The following SULF1 variants were observed in gnomAD, a reference collection of about 807,000 sequenced individuals.
SULF1 encodes sulfatase 1.
Under a neutral mutation model 110.5 loss-of-function variants are expected in SULF1, and 46 were observed. That is an observed-to-expected ratio of 0.42 (90% CI 0.33 to 0.53). SULF1 has a LOEUF of 0.53. SULF1 is among the 20% of genes least tolerant of loss of function. The pLI is 0.12. For missense variants in SULF1, 941 were observed against 1,094.2 expected, an observed-to-expected ratio of 0.86 and a Z score of 1.98; for synonymous variants, 371 against 387.1, an observed-to-expected ratio of 0.96 and a Z score of 0.49.
At chr8:69,601,005 G>T (rs1164361647) in intron 9 of SULF1, among the ~76,000 whole-genome samples, 1 of 146,096 alleles carries the variant, frequency 6.8e-6, no homozygotes, top group Non-Finnish European at 1.5e-5. Flanking sequence ...AATCAGCGTA[G>T]ATCAGGGGCC....
intron 5 of SULF1, among the ~76,000 whole-genome samples, chr8:69,573,960 C>T (rs573430005): frequency 2.6e-5 from 4 of 152,154 alleles, no homozygotes; most frequent in African/African-American, 4.8e-5. Context: ...TTCTTAGGGT[C>T]GCTCTGTGTC....
intron 11 of SULF1, 131 bp downstream of exon 11, chr8:69,603,451 T>C (rs1807990832): frequency 4.1e-6 from 6 of 1,454,164 alleles, no homozygotes; most frequent in South Asian, 3.5e-5. Context: ...AAGCTGAGCA[T>C]TTCTCAGCTG....
rs116068548 is a variant in SULF1, at chr8:69,630,413, C to T, written c.2284+734C>T. Among the ~76,000 whole-genome samples the T allele has an allele frequency of 3.3e-3, 503 of 152,220 alleles. 6 individuals are homozygous for T. The highest frequency in any genetic ancestry group is 0.012 in the African/African-American group (488 of 41,556). ...ACTGAGAAGCTCACTGGAGACCACC[C>T]GGGCTACTGTTTCTCAAACTGGGAT... On this transcript the variant is annotated intron_variant, in intron 19 of 22. Transcript: ENST00000402687.
intron 2 of SULF1, among the ~76,000 whole-genome samples, 159 bp from the exon 3 acceptor site, chr8:69,501,713 ACT>A (rs1467231560): frequency 1.3e-5 from 2 of 152,132 alleles, no homozygotes. Context: ...TGCTTCAAAG[ACT>A]CTTGCGAGTG....
intron 3 of SULF1, among the ~76,000 whole-genome samples, chr8:69,522,029 G>GGA (rs1366791473): frequency 6.6e-6 from 1 of 150,908 alleles, no homozygotes; most frequent in African/African-American, 2.4e-5. Flanking sequence ...AGAGAGACAG[G>GGA]GAGAGAGAGA....
At chr8:69,597,501 C>A (rs115138209) in intron 8 of SULF1, 1 of 152,192 alleles carries the variant, frequency 6.6e-6, no homozygotes, top group Admixed American at 6.5e-5. Context: ...GCTTTGACAA[C>A]AGTCCCTGAA....
chr8:69,646,825 G>C (rs1330173358), intron 22 of SULF1, among the ~76,000 whole-genome samples: 1 of 151,484 alleles, frequency 6.6e-6, no homozygotes, highest in East Asian at 1.9e-4. Context: ...TAATACACAA[G>C]GATTTCATGA....
intron 3 of SULF1, among the ~76,000 whole-genome samples, chr8:69,513,881 G>A (rs1811741788): frequency 6.6e-6 from 1 of 152,200 alleles, no homozygotes; most frequent in African/African-American, 2.4e-5. Context: ...CTCTTAATAA[G>A]TTTTCTGTGA....
At chr8:69,625,755 G>A (rs1056187544) in intron 15 of SULF1, among the ~76,000 whole-genome samples, 17 of 152,200 alleles carry the variant, frequency 1.1e-4, no homozygotes, top group South Asian at 2.1e-4. Context: ...TGCAAAGAGC[G>A]AAAGAACGGA....
At chr8:69,519,792 C>G (rs181182261) in intron 3 of SULF1, among the ~76,000 whole-genome samples, 2 of 152,080 alleles carry the variant, frequency 1.3e-5, no homozygotes, top group South Asian at 2.1e-4. Context: ...ATTTAAATAG[C>G]AAGATGCATT....
intron 3 of SULF1, among the ~76,000 whole-genome samples, chr8:69,514,573 A>G (rs779402164): frequency 2.6e-5 from 4 of 152,228 alleles, no homozygotes; most frequent in South Asian, 2.1e-4. Flanking sequence ...ATTTCAAAAT[A>G]TAATCATTCC....
chr8:69,592,878 C>G (rs1807014040), intron 8 of SULF1: 2 of 979,252 alleles, frequency 2.0e-6, no homozygotes, highest in Non-Finnish European at 2.4e-6. Context: ...CAAGCTAAGA[C>G]TCCCATTGTG....
intron 3 of SULF1, among the ~76,000 whole-genome samples, chr8:69,540,411 A>G (rs1333847871): frequency 6.6e-6 from 1 of 152,270 alleles, no homozygotes; most frequent in African/African-American, 2.4e-5. Context: ...ATGCTGAAAG[A>G]CAGGCAGGGC....
chr8:69,524,536 G>GC (rs1432453837), intron 3 of SULF1, among the ~76,000 whole-genome samples: 2 of 152,020 alleles, frequency 1.3e-5, no homozygotes, highest in East Asian at 3.9e-4. Context: ...TGAGGGATCT[G>GC]CCCCCATGAT....
rs1290631465 is a variant in SULF1 at position 69,659,299 on chromosome 8, T to A, written c.*764T>A. On this transcript the variant is annotated 3_prime_UTR_variant, in exon 23 of 23. Coordinates refer to ENST00000402687, the MANE Select transcript of SULF1 (RefSeq NM_001128205.2). ...GTCACAGCACCTAGAAGGCAGCGCCTCCTCTTCACTCTCCTCTGATTAGAT... is the reference window on the plus strand; with the variant it reads ...GTCACAGCACCTAGAAGGCAGCGCCACCTCTTCACTCTCCTCTGATTAGAT... The A allele has an allele frequency of 2.4e-6, 1 of 419,086 alleles. No individual in the cohort carries two copies. The highest frequency in any genetic ancestry group is 2.8e-5 in the Admixed American group (1 of 35,564). The allele number at this position is 419,086 out of a possible 1,614,324, so 26.0% of individuals were successfully genotyped here. A position where few individuals can be genotyped will look rare whatever the true frequency, so the allele number is the denominator to read the frequency against.
chr8:69,642,139 C>A lies in SULF1; in HGVS notation c.2585+1298C>A, dbSNP rs1057076560. 3.3e-5 allele frequency: 24 copies of A among 734,060 alleles called. No homozygotes were observed. In the African/African-American group the frequency reaches 4.4e-4, roughly 13 times the overall value. 45.5% of individuals were successfully genotyped at this position (734,060 alleles called of 1,614,324 possible). On this transcript the variant is annotated intron_variant, in intron 22 of 22. Transcript: ENST00000402687. ...TAATTGGTGCCATCTATATTAATAT[C>A]TTCTTTATCTATATTAATATCTTCT...
At chr8:69,505,892 G>C (rs1439240595) in intron 3 of SULF1, among the ~76,000 whole-genome samples, 1 of 151,650 alleles carries the variant, frequency 6.6e-6, no homozygotes, top group Non-Finnish European at 1.5e-5. Context: ...AGTCGCTTAA[G>C]AGTTTTTTTT....
chr8:69,600,902 C>T, intron 9 of SULF1, 149 bp downstream of exon 9: 1 of 880,616 alleles, frequency 1.1e-6, no homozygotes, highest in Non-Finnish European at 1.7e-6. Context: ...TGTTTAGTGG[C>T]TTAATCATCC....
At chr8:69,627,634 C>T (rs1810198262) in intron 16 of SULF1, 138 bp from the exon 17 acceptor site, 1 of 685,646 alleles carries the variant, frequency 1.5e-6, no homozygotes, top group Non-Finnish European at 2.6e-6. Flanking sequence ...TATTCTATGC[C>T]CAGTTTGTTT....
Sources: gnomAD v4.1 joint callset for allele counts (sites outside exome capture counted in the v4.1 genomes callset) on GRCh38, gnomAD v4.1.1 for gene constraint, MANE v1.5 for transcripts, NCBI Gene and HGNC (gene_info 2026-07-23, HGNC 2026-07-21) for gene names.